The following RHOT1 variants were observed in gnomAD, a reference collection of about 807,000 sequenced individuals.
RHOT1 encodes mitochondrial Rho GTPase 1.
Under a neutral mutation model 95.3 loss-of-function variants are expected in RHOT1, and 27 were observed. The observed-to-expected ratio is 0.28, with a 90% confidence interval of 0.21 to 0.39. The LOEUF is 0.39. RHOT1 is among the 10% of genes least tolerant of loss of function. The probability of loss-of-function intolerance (pLI) is 1.00; values close to 1 mark genes in which losing one functional copy is unlikely to be tolerated. For missense variants in RHOT1, 578 were observed against 786.7 expected, an observed-to-expected ratio of 0.73 and a Z score of 3.17; for synonymous variants, 227 against 263.5, an observed-to-expected ratio of 0.86 and a Z score of 1.34.
chr17:32,214,298 C>T (rs1480468364), intron 19 of RHOT1, among the ~76,000 whole-genome samples: 1 of 152,194 alleles, frequency 6.6e-6, no homozygotes. Context: ...AGCCACCACT[C>T]AGCTCTGGCC....
intron 1 of RHOT1, among the ~76,000 whole-genome samples, chr17:32,158,194 A>G (rs1371470533): frequency 6.6e-6 from 1 of 152,158 alleles, no homozygotes; most frequent in Non-Finnish European, 1.5e-5. Context: ...TTATCCCCAC[A>G]TAGTATGTAA....
intron 9 of RHOT1, 33 bp downstream of exon 9, chr17:32,192,332 C>CTTTTTTTTTTTTTTTTTT (rs397857197): frequency 2.3e-6 from 1 of 435,700 alleles, no homozygotes; most frequent in Non-Finnish European, 3.8e-6. Context: ...ATTTGCGTAT[C>CTTTTTTTTTTTTTTTTTT]TTTTTTTTTT....
intron 1 of RHOT1, among the ~76,000 whole-genome samples, chr17:32,149,402 T>C (rs1402891176): frequency 6.8e-6 from 1 of 147,420 alleles, no homozygotes. Flanking sequence ...GTTAAAAATA[T>C]ATAGTGTTTA....
chr17:32,166,438 G>C (rs1392106319), intron 1 of RHOT1, among the ~76,000 whole-genome samples: 1 of 152,066 alleles, frequency 6.6e-6, no homozygotes, highest in Admixed American at 6.6e-5. Context: ...CTTAAAATAA[G>C]ACAACTATGA....
chr17:32,224,950 T>G lies in RHOT1; in HGVS notation c.*217T>G, dbSNP rs1226215748. The G allele has an allele frequency of 8.3e-6, 3 of 360,284 alleles. No homozygotes were observed. The East Asian group carries it at 1.4e-4, about 17-fold the overall frequency. 22.3% of individuals were successfully genotyped at this position (360,284 alleles called of 1,614,324 possible). A position where few individuals can be genotyped will look rare whatever the true frequency, so the allele number is the denominator to read the frequency against. On this transcript the variant is annotated 3_prime_UTR_variant, in exon 20 of 20. Transcript: ENST00000545287. ...TAACAGCCAAACTAAAATGGCTAAA[T>G]TCCAGAGGCCAAAAGGGAATATTTT... is the stretch of plus-strand genomic sequence containing the variant.
At chr17:32,164,366 T>G (rs111737809) in intron 1 of RHOT1, among the ~76,000 whole-genome samples, 5,776 of 151,676 alleles carry the variant, frequency 0.038, 368 homozygotes, top group African/African-American at 0.13. Context: ...TCCAAGCAGC[T>G]GGGACTACAG....
At chr17:32,201,144 ATCTTCATTAGTCTT>A in intron 14 of RHOT1, 88 bp downstream of exon 14, 4 of 719,924 alleles carry the variant, frequency 5.6e-6, no homozygotes, top group South Asian at 1.8e-5. Context: ...GAATACACTC[ATCTTCATTAGTCTT>A]CCATCTACAC....
intron 1 of RHOT1, among the ~76,000 whole-genome samples, chr17:32,162,553 A>G (rs1380947207): frequency 6.6e-6 from 1 of 152,182 alleles, no homozygotes; most frequent in Non-Finnish European, 1.5e-5. Context: ...CAGAATCTCC[A>G]GGAGGTGGGA....
chr17:32,148,299 A>G (rs977414968), intron 1 of RHOT1, among the ~76,000 whole-genome samples: 1 of 152,212 alleles, frequency 6.6e-6, no homozygotes, highest in Non-Finnish European at 1.5e-5. Flanking sequence ...ATTCCTTAAT[A>G]AGTATTTAGT....
At chr17:32,188,784 G>C (rs2036243348) in intron 8 of RHOT1, among the ~76,000 whole-genome samples, 1 of 152,200 alleles carries the variant, frequency 6.6e-6, no homozygotes, top group African/African-American at 2.4e-5. Context: ...GATTTTGCCT[G>C]TTGGCCCCAA....
chr17:32,201,497 A>C (rs2037316068), intron 14 of RHOT1, among the ~76,000 whole-genome samples: 2 of 152,358 alleles, frequency 1.3e-5, no homozygotes, highest in South Asian at 2.1e-4. Flanking sequence ...TAAGGAACTG[A>C]TCATTTCAAG....
At chr17:32,193,876 C>T (rs1362778472) in intron 10 of RHOT1, 111 bp from the exon 11 acceptor site, 15 of 1,334,680 alleles carry the variant, frequency 1.1e-5, no homozygotes, top group Non-Finnish European at 1.5e-5. Flanking sequence ...TTGAGCTTTA[C>T]AATGCAAAGC....
intron 4 of RHOT1, 108 bp from the exon 5 acceptor site, chr17:32,175,854 T>G (rs1266682728): frequency 3.0e-6 from 2 of 673,868 alleles, no homozygotes; most frequent in Middle Eastern, 4.4e-4. Context: ...GTTTTAGCTG[T>G]TAAATTTTTT....
At chr17:32,196,441 G>A (rs537154878) in intron 11 of RHOT1, among the ~76,000 whole-genome samples, 41 of 152,100 alleles carry the variant, frequency 2.7e-4, no homozygotes, top group Admixed American at 2.0e-4. Flanking sequence ...ATCCTCCCGC[G>A]TTGACCTCCT....
intron 19 of RHOT1, among the ~76,000 whole-genome samples, chr17:32,219,890 T>C (rs1387472795): frequency 1.3e-5 from 2 of 152,240 alleles, no homozygotes; most frequent in African/African-American, 4.8e-5. Context: ...AATGATCTTA[T>C]TCCACATAGA....
intron 1 of RHOT1, chr17:32,151,127 G>T: frequency 1.2e-6 from 1 of 848,844 alleles, no homozygotes; most frequent in South Asian, 1.3e-5. Context: ...AATTTACCAT[G>T]ACACTGGGTT....
chr17:32,199,602 A>G (rs776592123), intron 13 of RHOT1, 52 bp downstream of exon 13: 2 of 1,447,974 alleles, frequency 1.4e-6, no homozygotes, highest in Non-Finnish European at 1.9e-6. Flanking sequence ...GTTTAAAATT[A>G]TGGTGTATTA....
At position 32,178,338 on chromosome 17, in the gene RHOT1, C is replaced by T. The variant is rs35723835; in HGVS notation, c.329+2125C>T. 6.3e-3 allele frequency among the ~76,000 whole-genome samples: 952 copies of T among 152,108 alleles called. 13 individuals carry two copies. The highest frequency in any genetic ancestry group is 0.021 in the African/African-American group (862 of 41,512). The stretch of plus-strand genomic sequence containing the variant: ...TACCGAGTGCCTGGGATTCCAGGCA[C>T]GTGCCACCACTCCTGACTGGTTTTT... On this transcript the variant is annotated intron_variant, in intron 6 of 19. Coordinates refer to ENST00000545287, the MANE Select transcript of RHOT1 (RefSeq NM_001033566.3).
At chr17:32,208,910 C>T (rs1469992428) in intron 18 of RHOT1, 11 of 154,956 alleles carry the variant, frequency 7.1e-5, no homozygotes, top group Admixed American at 7.0e-4. Context: ...GTGGTCATCT[C>T]TGTAGTTTAC....
Sources: gnomAD v4.1 joint callset for allele counts (sites outside exome capture counted in the v4.1 genomes callset) on GRCh38, gnomAD v4.1.1 for gene constraint, MANE v1.5 for transcripts, NCBI Gene and HGNC (gene_info 2026-07-23, HGNC 2026-07-21) for gene names.